Variants in UNC13C observed in about 807,000 individuals in gnomAD.
UNC13C encodes the protein unc-13 homolog C, also known as protein unc-13 homolog C.
UNC13C carries 174 observed loss-of-function variants against 245.4 expected under a neutral mutation model. That is an observed-to-expected ratio of 0.71 (90% confidence interval 0.63 to 0.80). UNC13C has a LOEUF of 0.80. Among genes scored for constraint, UNC13C ranks in the 30% least tolerant of loss-of-function variants. The pLI is 0.00. For synonymous variants in UNC13C, 992 were observed against 895.1 expected, an observed-to-expected ratio of 1.11 and a Z score of -1.93; for missense variants, 2,829 against 2,602.9, an observed-to-expected ratio of 1.09 and a Z score of -1.89.
chr15:54,513,407 A>G (rs898684198), intron 24 of UNC13C, among the ~76,000 whole-genome samples: 1 of 152,198 alleles, frequency 6.6e-6, no homozygotes, highest in African/African-American at 2.4e-5. Context: ...TGAATAACAT[A>G]TTGTTGAACT....
chr15:53,950,948 A>G, the UNC13C span, among the ~76,000 whole-genome samples: 1 of 152,290 alleles, frequency 6.6e-6, no homozygotes, highest in African/African-American at 2.4e-5. Flanking sequence ...GCGAAATGTA[A>G]TATAGCAATC....
At chr15:54,553,361 A>AATATAATTATATT (rs1896945699) in intron 28 of UNC13C, among the ~76,000 whole-genome samples, 2 of 123,458 alleles carry the variant, frequency 1.6e-5, no homozygotes, top group African/African-American at 6.1e-5. Flanking sequence ...TATATAATAT[A>AATATAATTATATT]ATATATAATT....
intron 30 of UNC13C, among the ~76,000 whole-genome samples, chr15:54,582,656 C>G (rs920379747): frequency 2.0e-5 from 3 of 152,110 alleles, no homozygotes; most frequent in African/African-American, 7.2e-5. Flanking sequence ...TCAGTCTGAG[C>G]TCTGCAGAAG....
the UNC13C span, among the ~76,000 whole-genome samples, chr15:53,850,822 C>A: frequency 6.6e-6 from 1 of 150,952 alleles, no homozygotes; most frequent in Non-Finnish European, 1.5e-5. Context: ...TGCATTAAAT[C>A]TTTGATATTT....
chr15:54,303,040 G>GA (rs35539901), intron 13 of UNC13C, among the ~76,000 whole-genome samples: 10 of 150,360 alleles, frequency 6.7e-5, no homozygotes, highest in South Asian at 2.1e-4. Flanking sequence ...TCTTAGATGT[G>GA]AAAAAAAAAT....
intron 1 of UNC13C, among the ~76,000 whole-genome samples, chr15:53,983,254 A>T (rs1271756817): frequency 6.6e-6 from 1 of 152,112 alleles, no homozygotes; most frequent in Non-Finnish European, 1.5e-5. Flanking sequence ...ATATGTACCT[A>T]CTGTACTTAG....
the UNC13C span, among the ~76,000 whole-genome samples, chr15:53,865,577 T>C: frequency 6.6e-6 from 1 of 152,148 alleles, no homozygotes; most frequent in Admixed American, 6.5e-5. Context: ...CAAATAGGCT[T>C]ATAGGTGTTG....
intron 11 of UNC13C, among the ~76,000 whole-genome samples, chr15:54,294,676 G>T (rs2037384818): frequency 6.6e-6 from 1 of 152,028 alleles, no homozygotes; most frequent in Non-Finnish European, 1.5e-5. Context: ...ATTTTCTGTG[G>T]TGATTTAATA....
At chr15:54,486,587 C>T (rs543919043) in intron 19 of UNC13C, among the ~76,000 whole-genome samples, 1 of 152,126 alleles carries the variant, frequency 6.6e-6, no homozygotes, top group African/African-American at 2.4e-5. Context: ...ATACTTTGTA[C>T]TATATTTATT....
intron 19 of UNC13C, among the ~76,000 whole-genome samples, chr15:54,489,145 G>A (rs922901533): frequency 6.6e-6 from 1 of 152,020 alleles, no homozygotes; most frequent in African/African-American, 2.4e-5. Flanking sequence ...AGGCATATAT[G>A]AACACATAAG....
At chr15:54,172,713 T>G (rs1264598626) in intron 4 of UNC13C, among the ~76,000 whole-genome samples, 14 of 14,846 alleles carry the variant, frequency 9.4e-4, no homozygotes, top group Non-Finnish European at 1.6e-3. Context: ...GATATATATA[T>G]ATATATATAT....
At chr15:54,339,685 G>T (rs930686739) in intron 17 of UNC13C, among the ~76,000 whole-genome samples, 1 of 149,838 alleles carries the variant, frequency 6.7e-6, no homozygotes, top group South Asian at 2.1e-4. Context: ...TTATTCACTC[G>T]TTGATTGATG....
chr15:54,033,207 A>G (rs1460762223), intron 2 of UNC13C, among the ~76,000 whole-genome samples: 1 of 152,058 alleles, frequency 6.6e-6, no homozygotes, highest in Non-Finnish European at 1.5e-5. Context: ...TCGCCTCAGA[A>G]CCCACCCCTT....
At chr15:54,606,519 T>C (rs1050592612) in intron 30 of UNC13C, among the ~76,000 whole-genome samples, 1 of 152,218 alleles carries the variant, frequency 6.6e-6, no homozygotes, top group Non-Finnish European at 1.5e-5. Context: ...AAACTTGAGC[T>C]ATGCAAGTGC....
At chr15:54,172,720 ATATATATATATATATATATATATATATAT>A (rs2033456494) in intron 4 of UNC13C, among the ~76,000 whole-genome samples, 1 of 23,674 alleles carries the variant, frequency 4.2e-5, no homozygotes, top group African/African-American at 2.0e-4. Context: ...ATATATATAT[ATATATATATATATATATATATATATATAT>A]ATATATATAT....
intron 10 of UNC13C, among the ~76,000 whole-genome samples, chr15:54,283,685 G>A (rs1315157483): frequency 6.9e-6 from 1 of 144,384 alleles, no homozygotes. Context: ...ACATTTCTAT[G>A]TGATATATAT....
chr15:54,355,418 G>A (rs1511796), intron 17 of UNC13C, among the ~76,000 whole-genome samples: 71,023 of 151,678 alleles, frequency 0.47, 16,955 homozygotes, highest in East Asian at 0.73. Context: ...GTGCCATGGC[G>A]CGATCTCGGC....
the UNC13C span, among the ~76,000 whole-genome samples, chr15:53,922,815 A>C: frequency 6.6e-6 from 1 of 152,264 alleles, no homozygotes; most frequent in African/African-American, 2.4e-5. Flanking sequence ...TAAATAAGAC[A>C]TTTAATCTTT....
At chr15:54,089,700 G>A (rs1013055801) in intron 2 of UNC13C, among the ~76,000 whole-genome samples, 3 of 147,464 alleles carry the variant, frequency 2.0e-5, no homozygotes, top group Admixed American at 2.0e-4. Flanking sequence ...ATCCCTTGCT[G>A]GTTGTGTGTT....
Sources: gnomAD v4.1 joint callset for allele counts (sites outside exome capture counted in the v4.1 genomes callset) on GRCh38, gnomAD v4.1.1 for gene constraint, MANE v1.5 for transcripts, NCBI Gene and HGNC (gene_info 2026-07-23, HGNC 2026-07-21) for gene names.